The following FMNL2 variants were observed in gnomAD, a reference collection of about 807,000 sequenced individuals.
FMNL2 encodes formin like 2.
Under a neutral mutation model 130.2 loss-of-function variants are expected in FMNL2, and 51 were observed. The observed-to-expected ratio is 0.39, with a 90% CI of 0.31 to 0.49. The LOEUF is 0.49. FMNL2 is among the 20% of genes least tolerant of loss of function. The pLI is 0.85. For missense variants in FMNL2, 977 were observed against 1,316.2 expected (o/e 0.74, Z 3.99); for synonymous variants, 465 against 467.1 (o/e 1.00, Z 0.06).
At chr2:152,533,801 CTAG>C (rs1306176439) in intron 2 of FMNL2, among the ~76,000 whole-genome samples, 1 of 151,960 alleles carries the variant, frequency 6.6e-6, no homozygotes, top group Non-Finnish European at 1.5e-5. Flanking sequence ...TTTGACATTT[CTAG>C]TAGTATACAG....
At chr2:152,465,001 C>A (rs1689447002) in intron 1 of FMNL2, among the ~76,000 whole-genome samples, 1 of 152,180 alleles carries the variant, frequency 6.6e-6, no homozygotes, top group Non-Finnish European at 1.5e-5. Context: ...GCCATGAATG[C>A]TAACTTCTTG....
intron 6 of FMNL2, among the ~76,000 whole-genome samples, chr2:152,564,756 C>T (rs1437223998): frequency 1.8e-5 from 2 of 109,654 alleles, no homozygotes; most frequent in Non-Finnish European, 3.7e-5. Flanking sequence ...ACAAACACTG[C>T]GTTCTAAAAT....
chr2:152,512,685 T>C (rs1692553144), intron 1 of FMNL2, among the ~76,000 whole-genome samples: 2 of 152,190 alleles, frequency 1.3e-5, no homozygotes, highest in Admixed American at 1.3e-4. Context: ...ACATGAGATT[T>C]AGGGAATTCA....
chr2:152,623,390 A>C (rs568495883), intron 15 of FMNL2, among the ~76,000 whole-genome samples: 3 of 152,306 alleles, frequency 2.0e-5, no homozygotes, highest in South Asian at 4.1e-4. Flanking sequence ...CTGTACGGTG[A>C]GGAATCTGAC....
In FMNL2 at chr2:152,625,465, C is replaced by T. The variant is rs1252500775; in HGVS notation, c.1865C>T (p.Thr622Met). Reference sequence around the variant, plus strand: ...GTGAAAATTAAGAAGCCAATCAAGACGAAGTTCAGAATGCCAGTGTTTAAC... The same window carrying T: ...GTGAAAATTAAGAAGCCAATCAAGATGAAGTTCAGAATGCCAGTGTTTAAC... ...AAVKIKKPIK[T>M]KFRMPVFNWV... Residue 622 changes from threonine to methionine, a missense_variant, in exon 16 of 26, where the codon ACG (threonine) becomes ATG (methionine). Transcript: ENST00000288670. 1.2e-6 allele frequency: 2 copies of T among 1,610,628 alleles called. No individual in the cohort carries two copies. Among genetic ancestry groups the T allele is most frequent in the Non-Finnish European group, 8.5e-7 (1 of 1,177,024 alleles).
intron 1 of FMNL2, among the ~76,000 whole-genome samples, chr2:152,405,311 C>G (rs1235279974): frequency 6.6e-6 from 1 of 152,106 alleles, no homozygotes; most frequent in East Asian, 1.9e-4. Flanking sequence ...TTTTTTGGAG[C>G]AGATTTTTCT....
intron 1 of FMNL2, among the ~76,000 whole-genome samples, chr2:152,346,017 A>T (rs139476345): frequency 2.0e-5 from 3 of 151,680 alleles, no homozygotes; most frequent in African/African-American, 7.3e-5. Context: ...AAACACCTAT[A>T]GTTTTTTTTT....
chr2:152,517,063 A>G (rs908895386), intron 1 of FMNL2, among the ~76,000 whole-genome samples: 3 of 152,210 alleles, frequency 2.0e-5, no homozygotes. Context: ...ATCTGAATTA[A>G]CTGGCACTGA....
At chr2:152,615,891 A>G (rs768358441) in intron 12 of FMNL2, among the ~76,000 whole-genome samples, 13 of 152,114 alleles carry the variant, frequency 8.5e-5, no homozygotes, top group East Asian at 3.9e-4. Context: ...ACCTTTCCCC[A>G]TCACTGTGAA....
chr2:152,486,434 G>A (rs1266378155), intron 1 of FMNL2, among the ~76,000 whole-genome samples: 1 of 152,166 alleles, frequency 6.6e-6, no homozygotes, highest in Non-Finnish European at 1.5e-5. Context: ...TTTCTTTGGG[G>A]TTATGTGAAC....
intron 10 of FMNL2, among the ~76,000 whole-genome samples, chr2:152,610,867 T>G (rs1698637777): frequency 6.6e-6 from 1 of 152,172 alleles, no homozygotes; most frequent in African/African-American, 2.4e-5. Flanking sequence ...AAGTCACACT[T>G]TTTAAAGTGG....
At chr2:152,337,904 T>TG (rs1395347152) in intron 1 of FMNL2, among the ~76,000 whole-genome samples, 1 of 152,184 alleles carries the variant, frequency 6.6e-6, no homozygotes, top group Non-Finnish European at 1.5e-5. Context: ...GGACCATTGA[T>TG]GCGTTCCTTG....
At chr2:152,592,892 A>G (rs937371456) in intron 9 of FMNL2, among the ~76,000 whole-genome samples, 2 of 152,220 alleles carry the variant, frequency 1.3e-5, no homozygotes, top group African/African-American at 4.8e-5. Flanking sequence ...CCGAAAAGCA[A>G]ACCTAATGGG....
intron 25 of FMNL2, chr2:152,645,601 G>GTAA: frequency 1.1e-6 from 1 of 941,438 alleles, no homozygotes; most frequent in South Asian, 1.4e-5. Context: ...ATGGCTGAGG[G>GTAA]TAATACTGGT....
intron 1 of FMNL2, among the ~76,000 whole-genome samples, chr2:152,459,749 A>C (rs1352462794): frequency 2.0e-5 from 3 of 152,226 alleles, no homozygotes; most frequent in Admixed American, 6.5e-5. Flanking sequence ...AATACACTAA[A>C]ATCTATTGAG....
At chr2:152,615,521 G>A (rs1698902338) in intron 12 of FMNL2, among the ~76,000 whole-genome samples, 1 of 152,152 alleles carries the variant, frequency 6.6e-6, no homozygotes. Flanking sequence ...CATATATCCT[G>A]TTCTTTGAAG....
intron 1 of FMNL2, among the ~76,000 whole-genome samples, chr2:152,375,287 C>T (rs956331161): frequency 1.3e-5 from 2 of 152,222 alleles, no homozygotes; most frequent in African/African-American, 2.4e-5. Flanking sequence ...CCACCATTCC[C>T]TGCTGAGCAC....
chr2:152,600,108 A>G (rs77928678), intron 9 of FMNL2, among the ~76,000 whole-genome samples: 2,257 of 152,320 alleles, frequency 0.015, 15 homozygotes, highest in Non-Finnish European at 0.023. Flanking sequence ...AGGACTAACT[A>G]TGAAATAACT....
intron 1 of FMNL2, among the ~76,000 whole-genome samples, chr2:152,479,806 G>GTT (rs906338586): frequency 5.4e-5 from 8 of 147,806 alleles, no homozygotes; most frequent in African/African-American, 2.0e-4. Context: ...CGCCTCCAGG[G>GTT]TTCAAGCGAT....
Sources: allele counts gnomAD v4.1 joint callset (sites outside exome capture counted in the v4.1 genomes callset), GRCh38; gene constraint gnomAD v4.1.1; transcripts MANE v1.5; gene names NCBI Gene and HGNC (gene_info 2026-07-23, HGNC 2026-07-21).